CDH12: variants seen among roughly 807,000 people sequenced by gnomAD.
The protein encoded by CDH12 is cadherin-12.
In CDH12, 41 loss-of-function variants were observed where a neutral mutation model predicts 74.1. The ratio of observed to expected loss-of-function variants is 0.55; its 90% CI spans 0.43 to 0.72. The LOEUF (loss-of-function observed/expected upper bound fraction) is 0.72, where lower values mean the gene tolerates loss of function less well. Ranked by LOEUF, CDH12 falls within the 30% of genes least tolerant of loss-of-function variation. CDH12 has a pLI of 0.00. For missense variants in CDH12, 945 were observed against 977.2 expected, an observed-to-expected ratio of 0.97 and a Z score of 0.44; for synonymous variants, 399 against 355.0, an observed-to-expected ratio of 1.12 and a Z score of -1.39.
intron 4 of CDH12, among the ~76,000 whole-genome samples, chr5:22,154,819 T>G (rs1293236511): frequency 3.3e-5 from 5 of 152,138 alleles, no homozygotes; most frequent in African/African-American, 1.2e-4. Context: ...GCACAATTTC[T>G]GTTGGTCGGG....
intron 3 of CDH12, among the ~76,000 whole-genome samples, chr5:22,274,679 T>A (rs1043410677): frequency 6.6e-6 from 1 of 152,002 alleles, no homozygotes; most frequent in African/African-American, 2.4e-5. Context: ...CACACAAAAA[T>A]CTATGTGAAT....
intron 6 of CDH12, among the ~76,000 whole-genome samples, chr5:21,857,124 AC>A (rs1249796885): frequency 2.6e-5 from 4 of 151,886 alleles, no homozygotes; most frequent in East Asian, 1.9e-4. Flanking sequence ...TCCGAGGACT[AC>A]CTTTTTCAGT....
intron 1 of CDH12, among the ~76,000 whole-genome samples, chr5:22,568,113 A>T (rs185934580): frequency 6.6e-6 from 1 of 152,330 alleles, no homozygotes; most frequent in Admixed American, 6.5e-5. Flanking sequence ...AAACCTAAGA[A>T]CTGGATTTTA....
At chr5:22,376,079 G>T (rs914172066) in intron 3 of CDH12, among the ~76,000 whole-genome samples, 1 of 152,184 alleles carries the variant, frequency 6.6e-6, no homozygotes, top group African/African-American at 2.4e-5. Flanking sequence ...AATGGATAAA[G>T]AACATGTGGT....
At chr5:21,826,964 T>C (rs1277880901) in intron 8 of CDH12, among the ~76,000 whole-genome samples, 1 of 151,972 alleles carries the variant, frequency 6.6e-6, no homozygotes, top group Non-Finnish European at 1.5e-5. Flanking sequence ...TTCATTGCTG[T>C]GGTGTAAGAG....
At chr5:22,732,966 G>T (rs1744508764) in intron 1 of CDH12, among the ~76,000 whole-genome samples, 1 of 151,734 alleles carries the variant, frequency 6.6e-6, no homozygotes. Flanking sequence ...TTAAAAACTA[G>T]TTTTATTTTT....
chr5:22,785,706 T>C (rs947764345), intron 1 of CDH12, among the ~76,000 whole-genome samples: 1 of 152,020 alleles, frequency 6.6e-6, no homozygotes, highest in Non-Finnish European at 1.5e-5. Context: ...TTTGTAGAGA[T>C]GGGGTTTCGC....
At chr5:22,338,068 G>T (rs568067516) in intron 3 of CDH12, among the ~76,000 whole-genome samples, 1 of 152,040 alleles carries the variant, frequency 6.6e-6, no homozygotes, top group Non-Finnish European at 1.5e-5. Flanking sequence ...CCACTGCTGG[G>T]TATATATCCA....
intron 4 of CDH12, among the ~76,000 whole-genome samples, chr5:22,153,331 T>C (rs191720519): frequency 0.014 from 2,143 of 151,846 alleles, 62 homozygotes; most frequent in African/African-American, 0.049. Context: ...CTGATTTTGA[T>C]GCATTTTTAA....
chr5:22,597,316 A>G (rs891802323), intron 1 of CDH12, among the ~76,000 whole-genome samples: 2 of 152,368 alleles, frequency 1.3e-5, no homozygotes, highest in African/African-American at 4.8e-5. Context: ...TGAAATATGT[A>G]ACTTGTAGAT....
intron 3 of CDH12, among the ~76,000 whole-genome samples, chr5:22,368,466 ATT>A (rs11445293): frequency 4.4e-5 from 6 of 135,284 alleles, no homozygotes; most frequent in Non-Finnish European, 3.1e-5. Flanking sequence ...AGTCTGGCTA[ATT>A]TTTTTTTTTT....
intron 11 of CDH12, among the ~76,000 whole-genome samples, chr5:21,772,019 G>C (rs1745348783): frequency 6.6e-6 from 1 of 152,108 alleles, no homozygotes; most frequent in Non-Finnish European, 1.5e-5. Context: ...AGAGTATTGT[G>C]AGACATGTTC....
intron 5 of CDH12, among the ~76,000 whole-genome samples, chr5:21,976,532 A>G (rs1757079440): frequency 6.6e-6 from 1 of 150,414 alleles, no homozygotes; most frequent in South Asian, 2.1e-4. Context: ...ATTCTTATAC[A>G]TAATTATATA....
chr5:22,048,993 G>T (rs1456102947), intron 5 of CDH12, among the ~76,000 whole-genome samples: 1 of 151,982 alleles, frequency 6.6e-6, no homozygotes, highest in African/African-American at 2.4e-5. Context: ...TTATTTATGA[G>T]TTATACATTA....
intron 2 of CDH12, among the ~76,000 whole-genome samples, chr5:22,407,772 T>C (rs1277830484): frequency 6.6e-6 from 1 of 152,094 alleles, no homozygotes; most frequent in African/African-American, 2.4e-5. Context: ...TCTCATCTCT[T>C]CTCTTCTGTC....
intron 1 of CDH12, among the ~76,000 whole-genome samples, chr5:22,549,569 G>T (rs866050771): frequency 3.3e-5 from 5 of 151,816 alleles, no homozygotes; most frequent in Admixed American, 6.6e-5. Flanking sequence ...CTCTGTATTT[G>T]GCCTGCCTCT....
rs1373687183 is a variant in CDH12, at chr5:22,304,967, G to C, written c.-332-92324C>G. Among the ~76,000 whole-genome samples the C allele has an allele frequency of 2.6e-5, 4 of 152,238 alleles. No homozygotes were observed. The East Asian group carries it at 5.8e-4, about 22-fold the overall frequency. On this transcript the variant is annotated intron_variant, in intron 3 of 14. Transcript: ENST00000382254. ...CTTCGAAAATACTAGAAGGCCCCAAGGTGTGTGGCAGAGTCAATTCATAAA... is the reference window on the plus strand; with the variant it reads ...CTTCGAAAATACTAGAAGGCCCCAACGTGTGTGGCAGAGTCAATTCATAAA...
At chr5:22,452,695 C>A (rs1482633498) in intron 2 of CDH12, among the ~76,000 whole-genome samples, 1 of 150,936 alleles carries the variant, frequency 6.6e-6, no homozygotes, top group South Asian at 2.1e-4. Flanking sequence ...TCAAAAACAC[C>A]AGCAACTGAA....
At chr5:22,211,657 A>G (rs1384983509) in intron 4 of CDH12, among the ~76,000 whole-genome samples, 8 of 151,938 alleles carry the variant, frequency 5.3e-5, no homozygotes, top group Admixed American at 1.3e-4. Context: ...AAAAGAATTA[A>G]TATGGAATGG....
Sources: gnomAD v4.1 joint callset for allele counts (sites outside exome capture counted in the v4.1 genomes callset) on GRCh38, gnomAD v4.1.1 for gene constraint, MANE v1.5 for transcripts, NCBI Gene and HGNC (gene_info 2026-07-23, HGNC 2026-07-21) for gene names.